Variants in IL1RL1 observed in about 807,000 individuals in gnomAD.
The protein encoded by IL1RL1 is interleukin 1 receptor like 1.
IL1RL1 carries 32 observed loss-of-function variants against 50.9 expected under a neutral mutation model. The observed-to-expected ratio is 0.63, with a 90% CI of 0.47 to 0.84. IL1RL1 has a LOEUF of 0.84. Ranked by LOEUF, IL1RL1 falls within the 40% of genes least tolerant of loss-of-function variation. The probability of loss-of-function intolerance (pLI) is 0.00; values close to 1 mark genes in which losing one functional copy is unlikely to be tolerated. For synonymous variants in IL1RL1, 275 were observed against 236.0 expected, an observed-to-expected ratio of 1.17 and a Z score of -1.51; for missense variants, 773 against 662.9, an observed-to-expected ratio of 1.17 and a Z score of -1.82.
chr2:102,318,760 T>G (rs1676752421), intron 1 of IL1RL1, among the ~76,000 whole-genome samples: 1 of 152,094 alleles, frequency 6.6e-6, no homozygotes, highest in South Asian at 2.1e-4. Flanking sequence ...AGAAAGATGT[T>G]GGAGAAATTG....
chr2:102,341,169 T>A, intron 5 of IL1RL1: 1 of 313,630 alleles, frequency 3.2e-6, no homozygotes, highest in South Asian at 8.9e-5. Context: ...CAAAACCAGC[T>A]TTTTTTTTTT....
intron 1 of IL1RL1, among the ~76,000 whole-genome samples, chr2:102,336,459 A>T (rs1677330323): frequency 1.3e-5 from 2 of 151,882 alleles, no homozygotes; most frequent in African/African-American, 4.9e-5. Context: ...GTCTGGAATT[A>T]GTTCCTGAAT....
chr2:102,323,276 G>A (rs1250090638), intron 1 of IL1RL1, among the ~76,000 whole-genome samples: 1,557 of 35,602 alleles, frequency 0.044, 37 homozygotes, highest in African/African-American at 0.15. Flanking sequence ...TATATATAGT[G>A]TGTGTGTGTG....
intron 5 of IL1RL1, among the ~76,000 whole-genome samples, chr2:102,341,619 T>C (rs1677567764): frequency 6.6e-6 from 1 of 152,222 alleles, no homozygotes; most frequent in Non-Finnish European, 1.5e-5. Flanking sequence ...ACCACATTCC[T>C]ATCAGTGCCT....
chr2:102,312,002 T>TAATATATAATATATA (rs796738532), intron 1 of IL1RL1, among the ~76,000 whole-genome samples: 2 of 28,538 alleles, frequency 7.0e-5, no homozygotes, highest in African/African-American at 3.6e-4. Flanking sequence ...ATATAATATA[T>TAATATATAATATATA]TTATATATAT....
intron 1 of IL1RL1, chr2:102,312,893 C>G (rs1335630957): frequency 6.6e-6 from 1 of 152,010 alleles, no homozygotes; most frequent in South Asian, 2.1e-4. Context: ...TCAGTTTTTC[C>G]TTTAATTTCT....
chr2:102,351,572 G>A lies in IL1RL1; in HGVS notation c.1322G>A (p.Ser441Asn). 1.2e-6 allele frequency: 2 copies of A among 1,614,048 alleles called. No individual in the cohort carries two copies. Among genetic ancestry groups the A allele is most frequent in the Middle Eastern group, 1.6e-4 (1 of 6,062 alleles). ...GCAGTGGAAACCAACATACGAAAGA[G>A]CAGGCGGCACATTTTCATCCTGACC... is the stretch of plus-strand genomic sequence containing the variant. ...VTAVETNIRK[S>N]RRHIFILTPQ... Residue 441 changes from serine to asparagine, a missense_variant, in exon 11 of 11, where the codon AGC becomes AAC. Physicochemically the swap from Ser to Asn is conservative, Grantham distance 46. Transcript: ENST00000233954.
chr2:102,327,523 A>T (rs1414062667), intron 1 of IL1RL1, among the ~76,000 whole-genome samples: 1 of 152,212 alleles, frequency 6.6e-6, no homozygotes, highest in Non-Finnish European at 1.5e-5. Context: ...ACTGGAGGAA[A>T]TAGAGACACA....
At chr2:102,348,120 C>T (rs773418314) in intron 9 of IL1RL1, 29 bp downstream of exon 9, 1 of 1,580,550 alleles carries the variant, frequency 6.3e-7, no homozygotes, top group Non-Finnish European at 8.6e-7. Flanking sequence ...GTTTTTCTCC[C>T]AAAGAAAAAG....
At chr2:102,327,039 A>C (rs1487219897) in intron 1 of IL1RL1, among the ~76,000 whole-genome samples, 9 of 152,210 alleles carry the variant, frequency 5.9e-5, no homozygotes, top group Admixed American at 5.9e-4. Flanking sequence ...ACCCAAAATC[A>C]ACAGAATATA....
intron 10 of IL1RL1, among the ~76,000 whole-genome samples, chr2:102,351,198 G>A (rs1198768912): frequency 6.6e-6 from 1 of 152,122 alleles, no homozygotes. Context: ...AAGATAATAT[G>A]TATTCTAAGA....
At chr2:102,316,606 C>T (rs566952408) in intron 1 of IL1RL1, among the ~76,000 whole-genome samples, 2 of 152,168 alleles carry the variant, frequency 1.3e-5, no homozygotes, top group South Asian at 2.1e-4. Flanking sequence ...TCAAACCATC[C>T]AATACAGCCC....
intron 1 of IL1RL1, among the ~76,000 whole-genome samples, chr2:102,314,319 C>T (rs1264903125): frequency 6.6e-6 from 1 of 152,170 alleles, no homozygotes; most frequent in African/African-American, 2.4e-5. Context: ...CTTGTGAGGG[C>T]CCCAGGCCCC....
rs1559592238 is a variant in IL1RL1, at chr2:102,312,003, TTATATATATTA to T, written c.-150+387_-150+397del. ...ATAATATATATTATATATAATATAT[TTATATATATTA>T]TATATAATATATATTATATATTAAA... On this transcript the variant is annotated intron_variant, in intron 1 of 10. Coordinates refer to ENST00000233954, the MANE Select transcript of IL1RL1 (RefSeq NM_016232.5). Among the ~76,000 whole-genome samples the T allele has an allele frequency of 3.7e-4, 4 of 10,910 alleles. 1 individual carries two copies. Among genetic ancestry groups the T allele is most frequent in the Admixed American group, 1.8e-3 (2 of 1,130 alleles). The allele number at this position is 10,910 out of a possible 152,430, so 7.2% of individuals were successfully genotyped here.
chr2:102,314,375 T>C (rs959206335), intron 1 of IL1RL1, among the ~76,000 whole-genome samples: 5 of 152,228 alleles, frequency 3.3e-5, no homozygotes, highest in African/African-American at 4.8e-5. Flanking sequence ...GGGCTGAGTC[T>C]GTGGGATTGG....
chr2:102,329,504 T>C (rs1250837432), intron 1 of IL1RL1, among the ~76,000 whole-genome samples: 1 of 152,126 alleles, frequency 6.6e-6, no homozygotes, highest in Non-Finnish European at 1.5e-5. Context: ...CTAATTAAAC[T>C]AAAGAGCTTC....
intron 5 of IL1RL1, among the ~76,000 whole-genome samples, chr2:102,341,932 T>C (rs1003311622): frequency 6.6e-6 from 1 of 152,166 alleles, no homozygotes; most frequent in African/African-American, 2.4e-5. Context: ...TACTAGGTCA[T>C]GTAATTAGTT....
chr2:102,336,251 G>T (rs1161005447), intron 1 of IL1RL1, among the ~76,000 whole-genome samples: 1 of 152,166 alleles, frequency 6.6e-6, no homozygotes, highest in Non-Finnish European at 1.5e-5. Context: ...CCCTTAATGT[G>T]AAGTGACATG....
chr2:102,343,634 C>T, intron 8 of IL1RL1: 1 of 1,431,194 alleles, frequency 7.0e-7, no homozygotes. Context: ...CTCCCCCACT[C>T]CCTCCTATCG....
Sources: allele counts gnomAD v4.1 joint callset (sites outside exome capture counted in the v4.1 genomes callset), GRCh38; gene constraint gnomAD v4.1.1; transcripts MANE v1.5; gene names NCBI Gene and HGNC (gene_info 2026-07-23, HGNC 2026-07-21).